Variants in ZDHHC19 observed in about 807,000 individuals in gnomAD.
ZDHHC19 encodes palmitoyltransferase ZDHHC19.
In ZDHHC19, 30 loss-of-function variants were observed where a neutral mutation model predicts 33.9. The observed-to-expected ratio is 0.88, with a 90% CI of 0.66 to 1.20. ZDHHC19 has a LOEUF of 1.20. ZDHHC19 is among the 50% of genes most tolerant of loss of function. The pLI, the probability that ZDHHC19 is intolerant of heterozygous loss-of-function variation, is 0.00. For missense variants in ZDHHC19, 364 were observed against 401.1 expected, an observed-to-expected ratio of 0.91 and a Z score of 0.79; for synonymous variants, 178 against 167.6, an observed-to-expected ratio of 1.06 and a Z score of -0.48.
rs1388001080 is a variant in ZDHHC19 at position 196,201,445 on chromosome 3, G to A, written c.688-2571C>T. Among the ~76,000 whole-genome samples the A allele has an allele frequency of 5.9e-5, 9 of 151,764 alleles. No individual in the cohort carries two copies. In the South Asian group the frequency reaches 6.2e-4, roughly 11 times the overall value. On this transcript the variant is annotated intron_variant, in intron 5 of 7. Coordinates refer to ENST00000296326, the MANE Select transcript of ZDHHC19 (RefSeq NM_001039617.2). Reference sequence around the variant, plus strand: ...TGAATGAAACCAACAGCTCTTGGCCGGGCACCGTGGCTCACACCTGTAATC... The same window carrying A: ...TGAATGAAACCAACAGCTCTTGGCCAGGCACCGTGGCTCACACCTGTAATC...
At chr3:196,206,767 G>A (rs979720507) in intron 5 of ZDHHC19, among the ~76,000 whole-genome samples, 1 of 145,070 alleles carries the variant, frequency 6.9e-6, no homozygotes, top group Non-Finnish European at 1.5e-5. Flanking sequence ...TGCAAGCTCC[G>A]CCTCTCCGGT....
Position 196,198,786 on chromosome 3 carries a change from C to T in ZDHHC19, c.773+3G>A, listed in dbSNP as rs776779951. ...CAGTTGGGCCTCTGGCTTGCCAACT[C>T]ACTTGGGTCCCAGTGGTGCACAAAT... On this transcript the variant is annotated splice_donor_region_variant and intron_variant, in intron 6 of 7. Coordinates refer to ENST00000296326, the MANE Select transcript of ZDHHC19 (RefSeq NM_001039617.2). 6.2e-7 allele frequency: 1 copy of T among 1,614,038 alleles called. No homozygotes were observed. The highest frequency in any genetic ancestry group is 8.5e-7 in the Non-Finnish European group (1 of 1,179,976).
chr3:196,210,655 C>T lies in ZDHHC19; in HGVS notation c.229G>A (p.Val77Ile), dbSNP rs1236408303. ...SLFVLTFFSL[V>I]SLNFSDPGIL... ...CCAGGGTCTGAGAAGTTGAGTGAAA[C>T]AAGACTGAAGAAGGTAAGGACAAAG... Residue 77 changes from valine to isoleucine, a missense_variant, in exon 2 of 8, where the codon GTT becomes ATT. Val to Ile is a conservative substitution (Grantham distance 29). Transcript: ENST00000296326. The T allele has an allele frequency of 1.9e-6, 3 of 1,613,924 alleles. No individual in the cohort carries two copies. The highest frequency in any genetic ancestry group is 2.7e-5 in the African/African-American group (2 of 74,904).
chr3:196,208,367 C>T, intron 4 of ZDHHC19, 21 bp downstream of exon 4: 1 of 1,612,208 alleles, frequency 6.2e-7, no homozygotes, highest in African/African-American at 1.3e-5. Flanking sequence ...TCCTCTCCTG[C>T]TTCCCCACGT....
At chr3:196,201,624 G>C (rs968549627) in intron 5 of ZDHHC19, among the ~76,000 whole-genome samples, 41 of 152,186 alleles carry the variant, frequency 2.7e-4, no homozygotes, top group Admixed American at 7.2e-4. Context: ...AGGAGGCTGA[G>C]GCAGGAGAAT....
intron 7 of ZDHHC19, 80 bp downstream of exon 7, chr3:196,198,196 G>A: frequency 7.6e-7 from 1 of 1,314,286 alleles, no homozygotes; most frequent in Non-Finnish European, 9.8e-7. Context: ...AACCTCAGGG[G>A]CCTCCCCCCA....
chr3:196,198,696 T>G, intron 6 of ZDHHC19, 93 bp downstream of exon 6: 1 of 1,603,242 alleles, frequency 6.2e-7, no homozygotes, highest in Non-Finnish European at 8.5e-7. Context: ...ACAGTGAGTG[T>G]AAGGGCCTGG....
chr3:196,201,895 T>C (rs1421362559), intron 5 of ZDHHC19, among the ~76,000 whole-genome samples: 1 of 151,536 alleles, frequency 6.6e-6, no homozygotes, highest in Non-Finnish European at 1.5e-5. Context: ...AACCCCCCTC[T>C]CCCCATTCCC....
In ZDHHC19 at chr3:196,198,351, G is replaced by C; in HGVS notation, c.874C>G (p.Pro292Ala). The change falls in exon 7 of 8, where the codon CCA becomes GCA. Residue 292 changes from proline (P) to alanine (A), a missense_variant. Pro to Ala is a conservative substitution (Grantham distance 27). Coordinates refer to ENST00000296326, the MANE Select transcript of ZDHHC19 (RefSeq NM_001039617.2). ...TGTAGGGACCCAGAGGTTGGGGCTGGGGGGTTGAGAGCAGAGGGGGACATT... is the reference window on the plus strand; with the variant it reads ...TGTAGGGACCCAGAGGTTGGGGCTGCGGGGTTGAGAGCAGAGGGGGACATT... ...PPMSPSALNP[P>A]APTSGSLQSR... is the part of the protein sequence containing the mutation. The C allele has an allele frequency of 1.3e-6, 2 of 1,521,366 alleles. No homozygotes were observed. Among genetic ancestry groups the C allele is most frequent in the Admixed American group, 2.2e-5 (1 of 45,524 alleles). 94.2% of individuals were successfully genotyped at this position (1,521,366 alleles called of 1,614,324 possible).
chr3:196,207,574 C>A (rs1294737165), intron 4 of ZDHHC19, 71 bp from the exon 5 acceptor site: 2 of 1,027,096 alleles, frequency 1.9e-6, no homozygotes, highest in South Asian at 2.1e-5. Context: ...GACTCCGCCC[C>A]GAGCCCCGCC....
chr3:196,209,831 C>G (rs4916506), intron 2 of ZDHHC19, among the ~76,000 whole-genome samples: 2 of 152,150 alleles, frequency 1.3e-5, no homozygotes, highest in East Asian at 3.9e-4. Context: ...CTGGCCTGCC[C>G]GGTCCTCCCA....
intron 5 of ZDHHC19, among the ~76,000 whole-genome samples, chr3:196,201,293 C>T (rs1455657927): frequency 6.6e-6 from 1 of 151,504 alleles, no homozygotes; most frequent in Non-Finnish European, 1.5e-5. Context: ...GTCTCGAACT[C>T]CTGACCTCAT....
chr3:196,207,256 C>T, intron 5 of ZDHHC19, 142 bp downstream of exon 5: 1 of 654,916 alleles, frequency 1.5e-6, no homozygotes, highest in South Asian at 1.9e-5. Context: ...AGATTGGAGC[C>T]TCTTAAGAGC....
At chr3:196,201,318 G>A (rs935543977) in intron 5 of ZDHHC19, among the ~76,000 whole-genome samples, 7 of 151,208 alleles carry the variant, frequency 4.6e-5, no homozygotes, top group East Asian at 3.9e-4. Context: ...CGCCCACCTC[G>A]GCCTCCCAAA....
chr3:196,206,513 T>G (rs1166035514), intron 5 of ZDHHC19, among the ~76,000 whole-genome samples: 2 of 152,004 alleles, frequency 1.3e-5, no homozygotes, highest in African/African-American at 4.8e-5. Flanking sequence ...CCACCGTGCC[T>G]GGCTAATTTT....
Position 196,198,851 on chromosome 3 carries a change from G to T in ZDHHC19, c.711C>A (p.Asn237Lys). Residue 237 changes from asparagine (N) to lysine (K), a missense_variant, in exon 6 of 8, where the codon AAC becomes AAA. By Grantham distance (94) the Asn-to-Lys change is moderately conservative. Coordinates refer to ENST00000296326, the MANE Select transcript of ZDHHC19 (RefSeq NM_001039617.2). Reference sequence around the variant, plus strand: ...TGCTGGCACAGCCCTGGTCGAAGGGGTTGTATCCCTGAAGGTGTCTGCACT... The same window carrying T: ...TGCTGGCACAGCCCTGGTCGAAGGGTTTGTATCCCTGAAGGTGTCTGCACT... ...KGKCRHLQGY[N>K]PFDQGCASNW... 1 of 1,614,074 alleles carries T rather than the reference G, an allele frequency of 6.2e-7. No homozygotes were observed. Among genetic ancestry groups the T allele is most frequent in the East Asian group, 2.2e-5 (1 of 44,876 alleles).
chr3:196,208,522 G>A lies in ZDHHC19; in HGVS notation c.447C>T (p.Ile149=), dbSNP rs1290949392. 14 of 1,614,044 alleles carry A rather than the reference G, an allele frequency of 8.7e-6. No individual in the cohort carries two copies. The highest frequency in any genetic ancestry group is 1.3e-5 in the African/African-American group (1 of 74,932). The change falls in exon 4 of 8, where the codon ATC becomes ATT. Residue 149 remains isoleucine (I), a synonymous_variant. Coordinates refer to ENST00000296326, the MANE Select transcript of ZDHHC19 (RefSeq NM_001039617.2). ...DHHCKWVNNC[I]GHRNFRFFML... is the part of the protein sequence containing the mutation. ...TGAAGAAGCGGAAGTTGCGGTGACC[G>A]ATGCAGTTATTGACCCACTTGCAGT...
intron 2 of ZDHHC19, among the ~76,000 whole-genome samples, chr3:196,210,211 GAGAA>G (rs909649534): frequency 2.3e-5 from 3 of 128,242 alleles, no homozygotes; most frequent in Non-Finnish European, 3.3e-5. Flanking sequence ...AAAGGAAAGA[GAGAA>G]AGAAAGAAGA....
chr3:196,206,682 T>TTCTTTTC (rs1446475477), intron 5 of ZDHHC19, among the ~76,000 whole-genome samples: 4 of 24,524 alleles, frequency 1.6e-4, no homozygotes, highest in African/African-American at 5.9e-4. Flanking sequence ...TTCTTTTCTT[T>TTCTTTTC]TTTTTTTTTT....
Sources: gnomAD v4.1 joint callset for allele counts (sites outside exome capture counted in the v4.1 genomes callset) on GRCh38, gnomAD v4.1.1 for gene constraint, MANE v1.5 for transcripts, NCBI Gene and HGNC (gene_info 2026-07-23, HGNC 2026-07-21) for gene names.